The following AHCYL2 variants were observed in gnomAD, a reference collection of about 807,000 sequenced individuals.
The protein encoded by AHCYL2 is adenosylhomocysteinase like 2.
A neutral mutation model predicts 81.4 loss-of-function variants in AHCYL2; 28 were observed. That is an observed-to-expected ratio of 0.34 (90% CI 0.25 to 0.47). The LOEUF (loss-of-function observed/expected upper bound fraction) is 0.47. AHCYL2 is among the 20% of genes least tolerant of loss of function. The pLI is 1.00. For missense variants in AHCYL2, 551 were observed against 785.1 expected (o/e 0.70, Z 3.56); for synonymous variants, 272 against 290.2 (o/e 0.94, Z 0.64).
At chr7:129,266,318 G>A (rs1795810006) in intron 1 of AHCYL2, among the ~76,000 whole-genome samples, 1 of 152,224 alleles carries the variant, frequency 6.6e-6, no homozygotes, top group African/African-American at 2.4e-5. Flanking sequence ...GAGAAGGAGG[G>A]AGGGGAAAGG....
At chr7:129,390,342 C>G (rs1262737662) in intron 4 of AHCYL2, among the ~76,000 whole-genome samples, 1 of 152,158 alleles carries the variant, frequency 6.6e-6, no homozygotes, top group Non-Finnish European at 1.5e-5. Context: ...AACACTGCAT[C>G]ATTTTATATA....
At chr7:129,420,259 A>G (rs566106373) in intron 12 of AHCYL2, among the ~76,000 whole-genome samples, 1 of 152,322 alleles carries the variant, frequency 6.6e-6, no homozygotes, top group East Asian at 1.9e-4. Flanking sequence ...TTAGCTCCCA[A>G]TCACCAAGAT....
intron 1 of AHCYL2, among the ~76,000 whole-genome samples, chr7:129,284,717 C>CT (rs1186148634): frequency 6.6e-6 from 1 of 151,778 alleles, no homozygotes; most frequent in Non-Finnish European, 1.5e-5. Flanking sequence ...TAGCTTGTGA[C>CT]TTTCACTCCT....
intron 15 of AHCYL2, among the ~76,000 whole-genome samples, chr7:129,425,363 C>T (rs1797314990): frequency 1.3e-5 from 2 of 152,014 alleles, no homozygotes; most frequent in South Asian, 4.2e-4. Flanking sequence ...ATTTATTTTA[C>T]CTGCCTGTGA....
Position 129,266,271 on chromosome 7 carries a change from CT to C in AHCYL2, c.363+40835del, listed in dbSNP as rs142131248. On this transcript the variant is annotated intron_variant, in intron 1 of 16. Transcript: ENST00000325006. ...TGGTTGCAAAACAAACCAAAATTGA[CT>C]TTGTTCAATTGACTTAAGCAAAAAA... 8.3e-3 allele frequency among the ~76,000 whole-genome samples: 1,270 copies of C among 152,280 alleles called. 7 individuals carry two copies. Among genetic ancestry groups the C allele is most frequent in the Non-Finnish European group, 0.013 (862 of 68,028 alleles).
chr7:129,273,874 A>G (rs1796106438), intron 1 of AHCYL2, among the ~76,000 whole-genome samples: 2 of 152,376 alleles, frequency 1.3e-5, no homozygotes, highest in South Asian at 2.1e-4. Context: ...TAAAGAAATC[A>G]TAATAATAAA....
At chr7:129,398,300 C>T (rs1253804787) in intron 5 of AHCYL2, among the ~76,000 whole-genome samples, 1 of 151,542 alleles carries the variant, frequency 6.6e-6, no homozygotes, top group Non-Finnish European at 1.5e-5. Flanking sequence ...TGTGAGCCAC[C>T]ATGCCCAGCC....
chr7:129,343,021 A>G (rs968165241), intron 1 of AHCYL2, among the ~76,000 whole-genome samples: 4 of 152,134 alleles, frequency 2.6e-5, no homozygotes, highest in South Asian at 4.1e-4. Flanking sequence ...GAAGTATACT[A>G]TGGGGATATA....
At chr7:129,382,862 T>C (rs1433931510) in intron 2 of AHCYL2, among the ~76,000 whole-genome samples, 1 of 152,146 alleles carries the variant, frequency 6.6e-6, no homozygotes, top group East Asian at 1.9e-4. Context: ...GCCAAGATCA[T>C]GCCATTGCAC....
At chr7:129,283,505 A>G (rs1473373298) in intron 1 of AHCYL2, 1 of 451,560 alleles carries the variant, frequency 2.2e-6, no homozygotes, top group East Asian at 7.0e-5. Flanking sequence ...TGTGCTTGAA[A>G]TGTTTCAGGA....
At chr7:129,273,715 G>C (rs1446830425) in intron 1 of AHCYL2, among the ~76,000 whole-genome samples, 1 of 152,092 alleles carries the variant, frequency 6.6e-6, no homozygotes, top group Non-Finnish European at 1.5e-5. Context: ...TACTTCTTAG[G>C]CTTACTATGT....
At chr7:129,336,092 G>A (rs1424758047) in intron 1 of AHCYL2, among the ~76,000 whole-genome samples, 6 of 92,344 alleles carry the variant, frequency 6.5e-5, no homozygotes, top group South Asian at 6.5e-4. Context: ...TTTTTTTGAC[G>A]GAGTCCCACT....
intron 1 of AHCYL2, among the ~76,000 whole-genome samples, chr7:129,324,050 T>TGCAGATTTC (rs1798131767): frequency 2.8e-5 from 1 of 35,170 alleles, no homozygotes; most frequent in Non-Finnish European, 6.7e-5. Flanking sequence ...TTTGTATTTT[T>TGCAGATTTC]GTAGATTTCG....
rs113315113 is a variant in AHCYL2, at chr7:129,318,167, T to C, written c.364-61471T>C. 6.1e-3 allele frequency among the ~76,000 whole-genome samples: 927 copies of C among 152,334 alleles called. 12 individuals carry two copies. Among genetic ancestry groups the C allele is most frequent in the African/African-American group, 0.021 (893 of 41,586 alleles). ...GGTAGCTGACAGTCTGTATGGTTAG[T>C]ATGGAGAATAGATCTCTGAATTTTC... is the stretch of plus-strand genomic sequence containing the variant. On this transcript the variant is annotated intron_variant, in intron 1 of 16. Coordinates refer to ENST00000325006, the MANE Select transcript of AHCYL2 (RefSeq NM_015328.4).
At chr7:129,226,717 A>C (rs1584677174) in intron 1 of AHCYL2, among the ~76,000 whole-genome samples, 1 of 152,218 alleles carries the variant, frequency 6.6e-6, no homozygotes, top group Non-Finnish European at 1.5e-5. Flanking sequence ...GAATTTCTGT[A>C]ATGCTTTAGA....
Position 129,225,260 on chromosome 7 carries a change from G to C in AHCYL2, c.184G>C (p.Val62Leu). 1 of 1,456,596 alleles carries C rather than the reference G, an allele frequency of 6.9e-7. No individual in the cohort carries two copies. The highest frequency in any genetic ancestry group is 9.0e-7 in the Non-Finnish European group (1 of 1,113,804). The allele number at this position is 1,456,596 out of a possible 1,614,324, so 90.2% of individuals were successfully genotyped here. Reference sequence around the variant, plus strand: ...AGCTCCCGCCGCGGAGCGGCCCCCGGTCCCCGGCCCGGGCTCGGGGCCCGC... The same window carrying C: ...AGCTCCCGCCGCGGAGCGGCCCCCGCTCCCCGGCCCGGGCTCGGGGCCCGC... ...APAPAAERPP[V>L]PGPGSGPAAA... Residue 62 changes from valine (V) to leucine (L), a missense_variant, in exon 1 of 17, where the codon GTC becomes CTC. By Grantham distance (32) the Val-to-Leu change is conservative. This residue lies in a region of AHCYL2 where 235 missense variants were observed against 242.1 expected (regional missense o/e 0.97). Transcript: ENST00000325006.
chr7:129,291,333 C>G (rs1025371830), intron 1 of AHCYL2, among the ~76,000 whole-genome samples: 1 of 152,158 alleles, frequency 6.6e-6, no homozygotes, highest in African/African-American at 2.4e-5. Context: ...TACCACAACT[C>G]TATAAAGTTG....
At chr7:129,340,117 T>G (rs1793117746) in intron 1 of AHCYL2, among the ~76,000 whole-genome samples, 1 of 142,904 alleles carries the variant, frequency 7.0e-6, no homozygotes, top group Non-Finnish European at 1.5e-5. Context: ...AGAGGCAGGG[T>G]TTCACCGTGT....
intron 1 of AHCYL2, among the ~76,000 whole-genome samples, chr7:129,317,381 A>G (rs946826881): frequency 6.6e-6 from 1 of 152,186 alleles, no homozygotes; most frequent in East Asian, 1.9e-4. Flanking sequence ...GAGGCATAAA[A>G]TTTATTGAAC....
Sources: allele counts gnomAD v4.1 joint callset (sites outside exome capture counted in the v4.1 genomes callset), GRCh38; gene constraint gnomAD v4.1.1; regional missense constraint gnomAD v4.1.1; transcripts MANE v1.5; gene names NCBI Gene and HGNC (gene_info 2026-07-23, HGNC 2026-07-21).